The following GSDMA variants were observed in gnomAD, a reference collection of about 807,000 sequenced individuals.
GSDMA encodes the protein gasdermin-A.
GSDMA carries 55 observed loss-of-function variants against 54.3 expected under a neutral mutation model. That is an observed-to-expected ratio of 1.01 (90% CI 0.82 to 1.27). GSDMA has a LOEUF of 1.27. Among genes scored for constraint, GSDMA ranks in the 50% most tolerant of loss-of-function variants. The probability of loss-of-function intolerance (pLI) is 0.00; values close to 1 mark genes in which losing one functional copy is unlikely to be tolerated. For missense variants in GSDMA, 542 were observed against 542.6 expected, an observed-to-expected ratio of 1.00 and a Z score of 0.01; for synonymous variants, 211 against 224.7, an observed-to-expected ratio of 0.94 and a Z score of 0.54.
intron 7 of GSDMA, 143 bp from the exon 8 acceptor site, chr17:39,973,667 T>C (rs182214641): frequency 1.5e-6 from 1 of 687,172 alleles, no homozygotes; most frequent in African/African-American, 1.8e-5. Context: ...TGAGTCACAG[T>C]AATGCCAGGA....
At chr17:39,966,126 T>A in intron 2 of GSDMA, 134 bp from the exon 3 acceptor site, 1 of 958,350 alleles carries the variant, frequency 1.0e-6, no homozygotes, top group Non-Finnish European at 1.6e-6. Context: ...GGGTTCTTGC[T>A]TTGTTGCCCA....
chr17:39,971,445 C>T (rs1293255370), intron 4 of GSDMA, 79 bp from the exon 5 acceptor site: 3 of 1,079,522 alleles, frequency 2.8e-6, no homozygotes, highest in East Asian at 2.4e-5. Context: ...CCTGACCCTG[C>T]ACCTCCCCCA....
At position 39,971,735 on chromosome 17, in the gene GSDMA, A is replaced by G. The variant is rs1037216202; in HGVS notation, c.655+115A>G. 6.8e-6 allele frequency: 5 copies of G among 736,658 alleles called. No individual in the cohort carries two copies. The African/African-American group carries it at 8.7e-5, about 13-fold the overall frequency. 45.6% of individuals were successfully genotyped at this position (736,658 alleles called of 1,614,324 possible). On this transcript the variant is annotated intron_variant, in intron 5 of 11. Transcript: ENST00000301659. ...GAGAATGAGTAGGGGGGTGTATTGT[A>G]CTGTGATCCGACTGCAGCCATGGAG...
chr17:39,972,135 C>T lies in GSDMA; in HGVS notation c.662C>T (p.Pro221Leu). 2.2e-6 allele frequency: 2 copies of T among 898,072 alleles called. No individual in the cohort carries two copies. The highest frequency in any genetic ancestry group is 5.2e-5 in the East Asian group (1 of 19,186). 55.6% of individuals were successfully genotyped at this position (898,072 alleles called of 1,614,324 possible). Residue 221 changes from proline to leucine, a missense_variant, in exon 6 of 12, where the codon CCA becomes CTA. Pro to Leu is a moderately conservative substitution (Grantham distance 98). Transcript: ENST00000301659. ...CCTCCCTTGCCCTTCACAGATATTC[C>T]ACATATCTGCAATGATAACATGCAA... is the stretch of plus-strand genomic sequence containing the variant. ...MVKGKDEWDI[P>L]HICNDNMQTF...
At chr17:39,966,541 T>C (rs1979679064) in intron 3 of GSDMA, 104 bp downstream of exon 3, 1 of 1,037,112 alleles carries the variant, frequency 9.6e-7, no homozygotes, top group South Asian at 1.7e-5. Context: ...TGCACTGACC[T>C]TTGCCAATGT....
At position 39,965,682 on chromosome 17, in the gene GSDMA, G is replaced by A. The variant is rs1364437878; in HGVS notation, c.-5-1G>A. 6.3e-7 allele frequency: 1 copy of A among 1,596,844 alleles called. No individual in the cohort carries two copies. Among genetic ancestry groups the A allele is most frequent in the East Asian group, 2.3e-5 (1 of 43,874 alleles). ...ACTCTCCTGTCTCCCCACCTCCACA[G>A]AGACAATGACCATGTTTGAAAATGT... On this transcript the variant is annotated splice_acceptor_variant, in intron 1 of 11. Coordinates refer to ENST00000301659, the MANE Select transcript of GSDMA (RefSeq NM_178171.5). LOFTEE classifies it low-confidence loss of function (5UTR_SPLICE).
At chr17:39,974,780 C>T (rs965604344) in intron 9 of GSDMA, 120 bp from the exon 10 acceptor site, 2 of 686,358 alleles carry the variant, frequency 2.9e-6, no homozygotes, top group African/African-American at 3.7e-5. Context: ...GACATGAGGC[C>T]TCGAAAAAGA....
intron 1 of GSDMA, 55 bp from the exon 2 acceptor site, chr17:39,965,628 T>TCCTTGGCAG: frequency 1.4e-6 from 2 of 1,387,002 alleles, no homozygotes; most frequent in Non-Finnish European, 2.0e-6. Flanking sequence ...TATCCCGGGC[T>TCCTTGGCAG]CCTTGGCAGC....
In GSDMA at chr17:39,974,312, T is replaced by C; in HGVS notation, c.791T>C (p.Val264Ala). Residue 264 changes from valine to alanine, a missense_variant, in exon 9 of 12, where the codon GTT (valine) becomes GCT (alanine). Val to Ala is a moderately conservative substitution (Grantham distance 64). Transcript: ENST00000301659. The part of the protein sequence containing the change: ...HEGFRTLKEE[V>A]QRETQQVEKL... Reference sequence around the variant, plus strand: ...GGCTTCAGGACACTAAAAGAAGAAGTTCAGAGAGAGACCCAACAAGTGGAG... The same window carrying C: ...GGCTTCAGGACACTAAAAGAAGAAGCTCAGAGAGAGACCCAACAAGTGGAG... The C allele has an allele frequency of 6.2e-7, 1 of 1,611,192 alleles. No homozygotes were observed.
Position 39,971,619 on chromosome 17 carries a change from G to A in GSDMA, c.654G>A (p.Trp218Ter), listed in dbSNP as rs1424897372. Residue 218 changes from tryptophan (W) to a stop codon, truncating the protein, a stop_gained and splice_region_variant, in exon 5 of 12, where the codon TGG (tryptophan) becomes TGA (stop). Transcript: ENST00000301659. LOFTEE classifies it high-confidence loss of function. The stretch of plus-strand genomic sequence containing the variant: ...TGATGGTCAAAGGCAAAGATGAGTG[G>A]GGTGAGCAGAGACCCGCATGTTCTC... ...RQLMVKGKDE[W>*]DIPHICNDNM... 6.2e-7 allele frequency: 1 copy of A among 1,612,084 alleles called. No homozygotes were observed. The highest frequency in any genetic ancestry group is 8.5e-7 in the Non-Finnish European group (1 of 1,178,204).
At chr17:39,972,251 T>C (rs560482993) in intron 6 of GSDMA, 75 bp downstream of exon 6, 2 of 1,004,998 alleles carry the variant, frequency 2.0e-6, no homozygotes, top group Middle Eastern at 2.2e-4. Flanking sequence ...TCCTCCACCC[T>C]CTCCTAGCTT....
At position 39,972,632 on chromosome 17, in the gene GSDMA, T is replaced by C. The variant is rs1980005887; in HGVS notation, c.730+19T>C. The C allele has an allele frequency of 6.2e-7, 1 of 1,608,182 alleles. No individual in the cohort carries two copies. The highest frequency in any genetic ancestry group is 8.5e-7 in the Non-Finnish European group (1 of 1,176,260). ...GTCATCCGTAAGTGTTTCCTTTCAT[T>C]CCACTGAAACTTTCTTGACTCCAAA... On this transcript the variant is annotated intron_variant, in intron 7 of 11. Transcript: ENST00000301659.
chr17:39,973,122 C>T (rs1394902279), intron 7 of GSDMA, among the ~76,000 whole-genome samples: 1 of 152,126 alleles, frequency 6.6e-6, no homozygotes, highest in Non-Finnish European at 1.5e-5. Context: ...CAGGCACCCG[C>T]CACCATGCCC....
intron 3 of GSDMA, among the ~76,000 whole-genome samples, chr17:39,969,409 G>T (rs972098769): frequency 6.6e-6 from 1 of 151,418 alleles, no homozygotes; most frequent in African/African-American, 2.4e-5. Context: ...AGAGGGAGTT[G>T]AGAAAACAGG....
intron 7 of GSDMA, 73 bp downstream of exon 7, chr17:39,972,686 T>A: frequency 3.1e-6 from 4 of 1,304,512 alleles, no homozygotes; most frequent in Non-Finnish European, 4.4e-6. Flanking sequence ...TTTCTTTCCT[T>A]CTGACAGGAC....
At chr17:39,975,146 A>G in intron 10 of GSDMA, 132 bp downstream of exon 10, 4 of 633,350 alleles carry the variant, frequency 6.3e-6, no homozygotes, top group Non-Finnish European at 1.1e-5. Flanking sequence ...TTATATCTAC[A>G]TTTTTATAAA....
chr17:39,975,122 C>T (rs962366210), intron 10 of GSDMA, 108 bp downstream of exon 10: 1 of 715,708 alleles, frequency 1.4e-6, no homozygotes, highest in African/African-American at 1.8e-5. Context: ...CAAATTATAC[C>T]ACAGTTAAGT....
intron 1 of GSDMA, among the ~76,000 whole-genome samples, chr17:39,964,860 C>T (rs1048021687): frequency 3.9e-5 from 6 of 152,142 alleles, no homozygotes; most frequent in Non-Finnish European, 8.8e-5. Flanking sequence ...GGCGCAGTGG[C>T]TCACACCTGT....
rs754903776 is a variant in GSDMA at position 39,965,810 on chromosome 17, G to A, written c.123G>A (p.Arg41=). 1.3e-6 allele frequency: 2 copies of A among 1,597,972 alleles called. No homozygotes were observed. Among genetic ancestry groups the A allele is most frequent in the Non-Finnish European group, 1.7e-6 (2 of 1,172,594 alleles). The change falls in exon 2 of 12, where the codon AGG becomes AGA. Residue 41 remains arginine (R), a synonymous_variant. Coordinates refer to ENST00000301659, the MANE Select transcript of GSDMA (RefSeq NM_178171.5). ...KRFHPFCLVL[R]KRKSTLFWGA... is the part of the protein sequence containing the mutation. Reference sequence around the variant, plus strand: ...TCCATCCCTTCTGCCTGGTGCTGAGGAAGAGGAAGAGCACGCTCTTCTGGG... The same window carrying A: ...TCCATCCCTTCTGCCTGGTGCTGAGAAAGAGGAAGAGCACGCTCTTCTGGG...
Sources: gnomAD v4.1 joint callset for allele counts (sites outside exome capture counted in the v4.1 genomes callset) on GRCh38, gnomAD v4.1.1 for gene constraint, MANE v1.5 for transcripts, NCBI Gene and HGNC (gene_info 2026-07-23, HGNC 2026-07-21) for gene names.